Variants in CD244 observed in about 807,000 individuals in gnomAD.
CD244 encodes natural killer cell receptor 2B4.
Under a neutral mutation model 45.5 loss-of-function variants are expected in CD244, and 20 were observed. That is an observed-to-expected ratio of 0.44 (90% CI 0.31 to 0.64). CD244 has a LOEUF of 0.64. Among genes scored for constraint, CD244 ranks in the 30% least tolerant of loss-of-function variants. The pLI is 0.08. For missense variants in CD244, 407 were observed against 426.9 expected (o/e 0.95, Z 0.41); for synonymous variants, 185 against 160.5 (o/e 1.15, Z -1.15).
chr1:160,836,857 T>G (rs1432833458), intron 5 of CD244, among the ~76,000 whole-genome samples: 1 of 152,188 alleles, frequency 6.6e-6, no homozygotes, highest in Non-Finnish European at 1.5e-5. Flanking sequence ...TGGGTTCTAC[T>G]GGGAGCCAGT....
chr1:160,831,456 C>T (rs1186576791), intron 8 of CD244, 29 bp from the exon 9 acceptor site: 2 of 1,492,074 alleles, frequency 1.3e-6, no homozygotes, highest in South Asian at 1.1e-5. Flanking sequence ...AACTTCAGAC[C>T]CTTGCACTGG....
intron 1 of CD244, among the ~76,000 whole-genome samples, chr1:160,856,633 A>T (rs1220691370): frequency 6.6e-6 from 1 of 152,150 alleles, no homozygotes; most frequent in East Asian, 1.9e-4. Flanking sequence ...ATCTTCCCTT[A>T]TAGTTGTAAT....
chr1:160,835,906 T>A (rs1366226687), intron 6 of CD244, among the ~76,000 whole-genome samples: 1 of 152,140 alleles, frequency 6.6e-6, no homozygotes, highest in South Asian at 2.1e-4. Context: ...AAAGCAGAAG[T>A]TGAGTCCCCT....
intron 8 of CD244, 133 bp downstream of exon 8, chr1:160,832,386 C>T (rs1669156830): frequency 1.6e-6 from 1 of 643,900 alleles, no homozygotes; most frequent in Non-Finnish European, 2.8e-6. Flanking sequence ...CAAAGACTTG[C>T]ATTAGAAGAT....
chr1:160,862,187 G>A (rs1670333879), intron 1 of CD244, among the ~76,000 whole-genome samples: 1 of 152,112 alleles, frequency 6.6e-6, no homozygotes, highest in South Asian at 2.1e-4. Flanking sequence ...CCCCTCCCTG[G>A]GCTCAGCTTT....
At chr1:160,846,235 C>T (rs962198758) in intron 1 of CD244, among the ~76,000 whole-genome samples, 3 of 152,144 alleles carry the variant, frequency 2.0e-5, no homozygotes, top group Non-Finnish European at 4.4e-5. Context: ...CACCAAAGTC[C>T]ACTGTATCAT....
At chr1:160,832,326 T>A (rs1669154891) in intron 8 of CD244, among the ~76,000 whole-genome samples, 193 bp downstream of exon 8, 1 of 152,170 alleles carries the variant, frequency 6.6e-6, no homozygotes, top group Non-Finnish European at 1.5e-5. Flanking sequence ...CAATATGATC[T>A]TGGGTCAGAC....
intron 1 of CD244, among the ~76,000 whole-genome samples, chr1:160,853,782 T>TAAAAAAA (rs5778184): frequency 5.3e-5 from 5 of 94,750 alleles, no homozygotes; most frequent in Admixed American, 1.1e-4. Context: ...AGACCCTGCC[T>TAAAAAAA]AAAAAAAAAA....
In CD244 at chr1:160,841,456, G is replaced by T. The variant is rs1412674750; in HGVS notation, c.409C>A (p.Gln137Lys). 10 of 1,613,924 alleles carry T rather than the reference G, an allele frequency of 6.2e-6. No individual in the cohort carries two copies. The highest frequency in any genetic ancestry group is 7.6e-6 in the Non-Finnish European group (9 of 1,180,026). ...CTCCCTCTGTCCAGGATCTTCCCCT[G>T]CCCCTGTAGGCGGGGTTTCTCAACT... ...DKVEKPRLQGQGKILDRGRCQ... is the reference protein window; with the variant it reads ...DKVEKPRLQGKGKILDRGRCQ... Residue 137 changes from glutamine to lysine, a missense_variant, in exon 3 of 9, where the codon CAG (glutamine) becomes AAG (lysine). Gln to Lys is a moderately conservative substitution (Grantham distance 53). Coordinates refer to ENST00000368034, the MANE Select transcript of CD244 (RefSeq NM_016382.4).
intron 1 of CD244, among the ~76,000 whole-genome samples, chr1:160,860,667 T>C (rs1193933695): frequency 6.6e-6 from 1 of 152,224 alleles, no homozygotes; most frequent in Non-Finnish European, 1.5e-5. Flanking sequence ...ATTGTACATT[T>C]ATACACACAT....
intron 6 of CD244, 115 bp from the exon 7 acceptor site, chr1:160,834,231 A>C: frequency 1.3e-6 from 1 of 764,474 alleles, no homozygotes; most frequent in Admixed American, 2.2e-5. Flanking sequence ...TTCAAGTGTT[A>C]GTGAAAAGAG....
chr1:160,855,190 G>T (rs78922095), intron 1 of CD244, among the ~76,000 whole-genome samples: 1 of 152,342 alleles, frequency 6.6e-6, no homozygotes, highest in African/African-American at 2.4e-5. Context: ...TGGAGGCTGA[G>T]ATAGTGGAAC....
chr1:160,844,745 C>G (rs984031770), intron 1 of CD244, among the ~76,000 whole-genome samples: 1 of 152,122 alleles, frequency 6.6e-6, no homozygotes, highest in African/African-American at 2.4e-5. Context: ...GAGGCCAAGG[C>G]CGGCAGATCA....
chr1:160,846,268 A>G (rs1295622091), intron 1 of CD244, among the ~76,000 whole-genome samples: 1 of 152,148 alleles, frequency 6.6e-6, no homozygotes, highest in African/African-American at 2.4e-5. Flanking sequence ...GCATCCTCGT[A>G]GCTTAACTCC....
At chr1:160,858,006 C>T (rs1451945150) in intron 1 of CD244, among the ~76,000 whole-genome samples, 1 of 151,766 alleles carries the variant, frequency 6.6e-6, no homozygotes, top group Non-Finnish European at 1.5e-5. Context: ...GTGATCACAT[C>T]ACTGCACTCC....
intron 1 of CD244, 63 bp downstream of exon 1, chr1:160,862,554 A>G: frequency 2.0e-6 from 3 of 1,465,418 alleles, no homozygotes; most frequent in Non-Finnish European, 2.9e-6. Flanking sequence ...TCTGGCTCTG[A>G]TCTCCCTGAG....
intron 4 of CD244, 56 bp from the exon 5 acceptor site, chr1:160,838,574 G>A: frequency 8.0e-7 from 1 of 1,244,122 alleles, no homozygotes; most frequent in South Asian, 1.2e-5. Context: ...AAGGGCTTTT[G>A]CTTCTAACAG....
intron 1 of CD244, among the ~76,000 whole-genome samples, chr1:160,858,349 T>C (rs1670182585): frequency 6.6e-6 from 1 of 152,092 alleles, no homozygotes; most frequent in South Asian, 2.1e-4. Context: ...TCCAACACAA[T>C]CTACGCAAAC....
At chr1:160,849,334 T>C (rs1669842746) in intron 1 of CD244, among the ~76,000 whole-genome samples, 1 of 147,888 alleles carries the variant, frequency 6.8e-6, no homozygotes, top group East Asian at 2.0e-4. Flanking sequence ...ATGCAGAACA[T>C]GCAGATTTGT....
Sources: gnomAD v4.1 joint callset for allele counts (sites outside exome capture counted in the v4.1 genomes callset) on GRCh38, gnomAD v4.1.1 for gene constraint, MANE v1.5 for transcripts, NCBI Gene and HGNC (gene_info 2026-07-23, HGNC 2026-07-21) for gene names.